RASGRF2: variants seen among roughly 807,000 people sequenced by gnomAD.
RASGRF2 encodes Ras protein specific guanine nucleotide releasing factor 2.
A neutral mutation model predicts 151.0 loss-of-function variants in RASGRF2; 76 were observed. The observed-to-expected ratio is 0.50, with a 90% CI of 0.42 to 0.61. The LOEUF is 0.61. Ranked by LOEUF, RASGRF2 falls within the 20% of genes least tolerant of loss-of-function variation. The pLI is 0.00. For synonymous variants in RASGRF2, 504 were observed against 566.5 expected (o/e 0.89, Z 1.57); for missense variants, 1,148 against 1,564.6 (o/e 0.73, Z 4.49).
At chr5:81,161,581 C>T (rs940554134) in intron 17 of RASGRF2, among the ~76,000 whole-genome samples, 1 of 152,132 alleles carries the variant, frequency 6.6e-6, no homozygotes, top group Non-Finnish European at 1.5e-5. Context: ...GAGCAAGAGG[C>T]AATGATGTAT....
At chr5:80,996,215 C>T (rs899825054) in intron 1 of RASGRF2, among the ~76,000 whole-genome samples, 8 of 152,226 alleles carry the variant, frequency 5.3e-5, no homozygotes, top group African/African-American at 1.9e-4. Context: ...ACAATTTTTG[C>T]ACTTTGTAGA....
intron 1 of RASGRF2, among the ~76,000 whole-genome samples, chr5:80,995,693 C>CTTT (rs1554083685): frequency 2.9e-4 from 28 of 97,338 alleles, no homozygotes; most frequent in Non-Finnish European, 4.0e-4. Flanking sequence ...TTCCCCCCCC[C>CTTT]TTTTTTTTTT....
intron 13 of RASGRF2, among the ~76,000 whole-genome samples, chr5:81,111,715 C>T (rs1293950041): frequency 6.7e-6 from 1 of 149,752 alleles, no homozygotes; most frequent in East Asian, 1.9e-4. Context: ...TAAGAAGAGA[C>T]ATTAATACAA....
At chr5:81,162,411 G>A (rs1380726512) in intron 17 of RASGRF2, among the ~76,000 whole-genome samples, 1 of 152,102 alleles carries the variant, frequency 6.6e-6, no homozygotes, top group Non-Finnish European at 1.5e-5. Flanking sequence ...GCAATGGTAC[G>A]ATCTTGGCTC....
intron 25 of RASGRF2, 180 bp from the exon 26 acceptor site, chr5:81,219,530 G>A (rs1755813421): frequency 2.0e-6 from 1 of 507,520 alleles, no homozygotes; most frequent in South Asian, 3.4e-5. Context: ...CATTTCATGT[G>A]CCTCCTTGAG....
chr5:81,103,132 A>G (rs917047294), intron 12 of RASGRF2, among the ~76,000 whole-genome samples: 1 of 152,168 alleles, frequency 6.6e-6, no homozygotes, highest in Admixed American at 6.5e-5. Context: ...AACCACGTAG[A>G]AAAATCTAAA....
At chr5:81,067,534 T>C (rs1751643018) in intron 2 of RASGRF2, among the ~76,000 whole-genome samples, 1 of 152,096 alleles carries the variant, frequency 6.6e-6, no homozygotes, top group African/African-American at 2.4e-5. Flanking sequence ...CCCAACAGAG[T>C]TGGTAGTCAC....
In RASGRF2 at chr5:81,194,883, C is replaced by T. The variant is rs1223585725; in HGVS notation, c.2794-6447C>T. Among the ~76,000 whole-genome samples, 7 of 152,194 alleles carry T rather than the reference C, an allele frequency of 4.6e-5. No individual in the cohort carries two copies. The East Asian group carries it at 1.2e-3, about 25-fold the overall frequency. On this transcript the variant is annotated intron_variant, in intron 18 of 26. Transcript: ENST00000265080. ...TTGTTTGTTGAGTTACTCAGTAATTCTTTTTGAAGGAACAAGAGCTATGGG... is the reference window on the plus strand; with the variant it reads ...TTGTTTGTTGAGTTACTCAGTAATTTTTTTTGAAGGAACAAGAGCTATGGG...
chr5:80,963,021 A>C (rs369921303), intron 1 of RASGRF2, among the ~76,000 whole-genome samples: 13 of 152,368 alleles, frequency 8.5e-5, no homozygotes, highest in African/African-American at 3.1e-4. Context: ...TTTGTCTTGC[A>C]TTAGATGTGC....
At chr5:80,995,511 T>C (rs1056271367) in intron 1 of RASGRF2, among the ~76,000 whole-genome samples, 2 of 151,788 alleles carry the variant, frequency 1.3e-5, no homozygotes, top group Non-Finnish European at 2.9e-5. Flanking sequence ...ATACACATGG[T>C]AAAAATGACC....
intron 26 of RASGRF2, among the ~76,000 whole-genome samples, chr5:81,221,434 A>G (rs766617788): frequency 2.0e-5 from 3 of 152,302 alleles, no homozygotes; most frequent in South Asian, 2.1e-4. Context: ...GTTTTATTCT[A>G]TTGCTGAAAC....
At chr5:81,216,903 T>G in intron 24 of RASGRF2, 2 of 436,990 alleles carry the variant, frequency 4.6e-6, no homozygotes, top group Non-Finnish European at 9.2e-6. Flanking sequence ...AAGTACCAAC[T>G]AAAACAGAAA....
chr5:81,196,427 A>G (rs960576967), intron 18 of RASGRF2, among the ~76,000 whole-genome samples: 1 of 152,254 alleles, frequency 6.6e-6, no homozygotes, highest in African/African-American at 2.4e-5. Context: ...TATCATCAGC[A>G]GCAAAGCAAC....
intron 2 of RASGRF2, among the ~76,000 whole-genome samples, chr5:81,051,393 TAC>T (rs1247628407): frequency 6.6e-6 from 1 of 152,188 alleles, no homozygotes. Flanking sequence ...GCTTTTCTAG[TAC>T]AGTCACAAGG....
chr5:81,213,144 GGGTGCCTTGGA>G (rs1191469066), intron 23 of RASGRF2, among the ~76,000 whole-genome samples: 1 of 152,184 alleles, frequency 6.6e-6, no homozygotes, highest in Non-Finnish European at 1.5e-5. Context: ...CCTGGGTGTT[GGGTGCCTTGGA>G]GGGCATCTCT....
intron 7 of RASGRF2, among the ~76,000 whole-genome samples, chr5:81,084,934 G>T (rs1166643906): frequency 6.6e-6 from 1 of 152,182 alleles, no homozygotes; most frequent in African/African-American, 2.4e-5. Context: ...GCAAGTTTGG[G>T]CAAGTTACCA....
chr5:81,195,876 C>A (rs1397159943), intron 18 of RASGRF2, among the ~76,000 whole-genome samples: 3 of 152,210 alleles, frequency 2.0e-5, no homozygotes, highest in South Asian at 4.1e-4. Flanking sequence ...GATCACCTCT[C>A]TTCAGCCTGT....
At chr5:81,011,423 A>G (rs1043278408) in intron 1 of RASGRF2, among the ~76,000 whole-genome samples, 1 of 152,208 alleles carries the variant, frequency 6.6e-6, no homozygotes, top group Non-Finnish European at 1.5e-5. Context: ...CCCTTTGAGC[A>G]TCTGAGTGAG....
chr5:81,139,590 G>C (rs1257675585), intron 17 of RASGRF2, among the ~76,000 whole-genome samples: 2 of 151,252 alleles, frequency 1.3e-5, no homozygotes, highest in Admixed American at 6.6e-5. Flanking sequence ...GTTCTTTCTT[G>C]CTTTATTGCA....
Sources: allele counts gnomAD v4.1 joint callset (sites outside exome capture counted in the v4.1 genomes callset), GRCh38; gene constraint gnomAD v4.1.1; transcripts MANE v1.5; gene names NCBI Gene and HGNC (gene_info 2026-07-23, HGNC 2026-07-21).